Variants in TSHR observed in about 807,000 individuals in gnomAD.
TSHR encodes thyroid stimulating hormone receptor.
Under a neutral mutation model 64.1 loss-of-function variants are expected in TSHR, and 51 were observed. That is an observed-to-expected ratio of 0.80 (90% CI 0.64 to 1.01). The LOEUF (loss-of-function observed/expected upper bound fraction) is 1.01, where lower values mean the gene tolerates loss of function less well. Among genes scored for constraint, TSHR ranks in the 50% least tolerant of loss-of-function variants. The pLI is 0.00. For missense variants in TSHR, 877 were observed against 942.8 expected (o/e 0.93, Z 0.91); for synonymous variants, 361 against 361.9 (o/e 1.00, Z 0.03).
chr14:81,122,268 C>G (rs1462759112), intron 8 of TSHR, among the ~76,000 whole-genome samples: 1 of 151,520 alleles, frequency 6.6e-6, no homozygotes, highest in East Asian at 2.0e-4. Flanking sequence ...GTCTCGAACT[C>G]TTGACCTCAG....
chr14:81,129,740 T>C (rs569427176), intron 8 of TSHR, among the ~76,000 whole-genome samples: 68 of 152,298 alleles, frequency 4.5e-4, no homozygotes, highest in African/African-American at 1.6e-3. Flanking sequence ...CATCTACCCA[T>C]CTTCCTGTGT....
At chr14:81,077,920 T>C (rs1887615745) in intron 3 of TSHR, among the ~76,000 whole-genome samples, 1 of 151,664 alleles carries the variant, frequency 6.6e-6, no homozygotes, top group Non-Finnish European at 1.5e-5. Flanking sequence ...AGAAATAATA[T>C]TATGTTACTC....
At chr14:81,088,702 A>G (rs942578879) in intron 4 of TSHR, among the ~76,000 whole-genome samples, 2 of 152,218 alleles carry the variant, frequency 1.3e-5, no homozygotes, top group Non-Finnish European at 2.9e-5. Context: ...TGCATGCATT[A>G]TAAAGATTAG....
chr14:81,107,983 A>C (rs1305900328), intron 7 of TSHR, among the ~76,000 whole-genome samples: 1 of 152,160 alleles, frequency 6.6e-6, no homozygotes, highest in Non-Finnish European at 1.5e-5. Flanking sequence ...ATTTAAGCCT[A>C]GTCTTCAAAG....
chr14:80,973,336 G>A lies in TSHR; in HGVS notation c.170+17486G>A, dbSNP rs1049169070. On this transcript the variant is annotated intron_variant, in intron 1 of 9. Coordinates refer to ENST00000298171, the MANE Select transcript of TSHR (RefSeq NM_000369.5). ...AGGAGAATGGCGTGAACCCCGGGGGGCGGAGCCTGCAGTGAGCCGAGATCG... is the reference window on the plus strand; with the variant it reads ...AGGAGAATGGCGTGAACCCCGGGGGACGGAGCCTGCAGTGAGCCGAGATCG... 1.1e-4 allele frequency among the ~76,000 whole-genome samples: 16 copies of A among 145,414 alleles called. No individual in the cohort carries two copies. In the East Asian group the frequency reaches 1.4e-3, roughly 13 times the overall value.
chr14:81,001,416 G>C, intron 1 of TSHR: 1 of 448,764 alleles, frequency 2.2e-6, no homozygotes, highest in Non-Finnish European at 4.4e-6. Context: ...AGCTCTATAA[G>C]GCCAGTAGCA....
chr14:81,016,088 G>A (rs551599300), intron 1 of TSHR, among the ~76,000 whole-genome samples: 5 of 152,134 alleles, frequency 3.3e-5, no homozygotes, highest in Non-Finnish European at 7.3e-5. Flanking sequence ...ATGAACATGG[G>A]AATGCAGATA....
At chr14:81,132,713 G>A (rs146572402) in intron 8 of TSHR, among the ~76,000 whole-genome samples, 8 of 152,238 alleles carry the variant, frequency 5.3e-5, no homozygotes, top group African/African-American at 1.4e-4. Flanking sequence ...ATTGCTTGAT[G>A]AGCTCTTTGA....
chr14:81,069,364 A>G (rs1380477340), intron 3 of TSHR, among the ~76,000 whole-genome samples: 1 of 152,230 alleles, frequency 6.6e-6, no homozygotes, highest in African/African-American at 2.4e-5. Context: ...GAGGTCCAAG[A>G]TATTGCTTAC....
chr14:81,079,121 C>T lies in TSHR; in HGVS notation c.318-8833C>T, dbSNP rs147039119. 4.6e-5 allele frequency among the ~76,000 whole-genome samples: 7 copies of T among 152,222 alleles called. No homozygotes were observed. In the East Asian group the frequency reaches 1.3e-3, roughly 29 times the overall value. On this transcript the variant is annotated intron_variant, in intron 3 of 9. Coordinates refer to ENST00000298171, the MANE Select transcript of TSHR (RefSeq NM_000369.5). Reference sequence around the variant, plus strand: ...AGTTATTCAGGATCCTAAGTGGATACAAATCATTTCCCCTGGGTAGTAACT... The same window carrying T: ...AGTTATTCAGGATCCTAAGTGGATATAAATCATTTCCCCTGGGTAGTAACT...
intron 1 of TSHR, 78 bp downstream of exon 1, chr14:80,955,928 A>G (rs1886651731): frequency 6.3e-7 from 1 of 1,579,290 alleles, no homozygotes; most frequent in Non-Finnish European, 8.7e-7. Flanking sequence ...GCACAAAAGC[A>G]GCTCAATAAC....
At position 81,044,670 on chromosome 14, in the gene TSHR, A is replaced by C. The variant is rs1462575087; in HGVS notation, c.171-17478A>C. On this transcript the variant is annotated intron_variant, in intron 1 of 9. Transcript: ENST00000298171. ...AAGACTCTGTCTCAAAAAAAAAAAA[A>C]AAAACACACACACACATGCACAATG... Among the ~76,000 whole-genome samples the C allele has an allele frequency of 5.8e-5, 8 of 137,782 alleles. No individual in the cohort carries two copies. In the East Asian group the frequency reaches 1.7e-3, roughly 29 times the overall value. The allele number at this position is 137,782 out of a possible 152,430, so 90.4% of individuals were successfully genotyped here.
intron 1 of TSHR, chr14:80,958,037 C>T (rs1319922019): frequency 6.6e-6 from 1 of 152,168 alleles, no homozygotes; most frequent in Non-Finnish European, 1.5e-5. Context: ...TGGTAGTCTC[C>T]TTTGAACAAT....
chr14:80,977,170 C>T (rs1887925814), intron 1 of TSHR, among the ~76,000 whole-genome samples: 1 of 152,240 alleles, frequency 6.6e-6, no homozygotes, highest in African/African-American at 2.4e-5. Flanking sequence ...AATTCTATGT[C>T]TGTGGATCAC....
At chr14:81,050,428 TA>T (rs1885370542) in intron 1 of TSHR, 1 of 152,186 alleles carries the variant, frequency 6.6e-6, no homozygotes, top group Admixed American at 6.6e-5. Flanking sequence ...CATGGTTCCC[TA>T]AAATAGTCTG....
At chr14:81,077,634 C>T (rs976175315) in intron 3 of TSHR, among the ~76,000 whole-genome samples, 3 of 152,156 alleles carry the variant, frequency 2.0e-5, no homozygotes, top group African/African-American at 7.2e-5. Flanking sequence ...GCTTTTATAT[C>T]CAGCCTGAAA....
rs1471834654 is a variant in TSHR at position 81,037,436 on chromosome 14, CAAACAAACAAAA to C, written c.171-24709_171-24698del. On this transcript the variant is annotated intron_variant, in intron 1 of 9. Coordinates refer to ENST00000298171, the MANE Select transcript of TSHR (RefSeq NM_000369.5). ...AGGAAATACAAAACAAACAAACAAA[CAAACAAACAAAA>C]AACAGAAAATGATCTAACAAAATGT... 5.9e-5 allele frequency among the ~76,000 whole-genome samples: 7 copies of C among 118,904 alleles called. No homozygotes were observed. The South Asian group carries it at 2.4e-3, about 41-fold the overall frequency. The allele number at this position is 118,904 out of a possible 152,430, so 78.0% of individuals were successfully genotyped here. A position where few individuals can be genotyped will look rare whatever the true frequency, so the allele number is the denominator to read the frequency against.
In TSHR at chr14:80,973,403, CAAAAAAA is replaced by C. The variant is rs58316010; in HGVS notation, c.170+17573_170+17579del. The stretch of plus-strand genomic sequence containing the variant: ...CCCGGGTGACAGCGAGACGCTGTCT[CAAAAAAA>C]AAAAAAAAAAAAAAAAAAATCTGTG... On this transcript the variant is annotated intron_variant, in intron 1 of 9. Coordinates refer to ENST00000298171, the MANE Select transcript of TSHR (RefSeq NM_000369.5). Among the ~76,000 whole-genome samples the C allele has an allele frequency of 9.9e-4, 51 of 51,452 alleles. 1 individual carries two copies. The highest frequency in any genetic ancestry group is 4.8e-3 in the South Asian group (8 of 1,656). 33.8% of individuals were successfully genotyped at this position (51,452 alleles called of 152,430 possible). A position where few individuals can be genotyped will look rare whatever the true frequency, so the allele number is the denominator to read the frequency against.
At chr14:81,071,977 AAC>A (rs1316643535) in intron 3 of TSHR, among the ~76,000 whole-genome samples, 5 of 152,194 alleles carry the variant, frequency 3.3e-5, no homozygotes, top group African/African-American at 1.2e-4. Flanking sequence ...ATTACTGGGA[AAC>A]ACATAGGAAA....
Sources: allele counts gnomAD v4.1 joint callset (sites outside exome capture counted in the v4.1 genomes callset), GRCh38; gene constraint gnomAD v4.1.1; transcripts MANE v1.5; gene names NCBI Gene and HGNC (gene_info 2026-07-23, HGNC 2026-07-21).